ZBED4: variants seen among roughly 807,000 people sequenced by gnomAD.
ZBED4 encodes the protein zinc finger BED-type containing 4, also known as zinc finger BED domain-containing protein 4.
ZBED4 carries 4 observed loss-of-function variants against 15.5 expected under a neutral mutation model. The observed-to-expected ratio is 0.26, with a 90% CI of 0.13 to 0.59. The LOEUF (loss-of-function observed/expected upper bound fraction) is 0.59. Ranked by LOEUF, ZBED4 falls within the 20% of genes least tolerant of loss-of-function variation. ZBED4 has a pLI of 0.90. For missense variants in ZBED4, 1,323 were observed against 1,461.8 expected (o/e 0.91, Z 1.55); for synonymous variants, 692 against 608.5 (o/e 1.14, Z -2.02).
chr22:49,874,949 T>C (rs1028635481), intron 1 of ZBED4, among the ~76,000 whole-genome samples: 3 of 151,992 alleles, frequency 2.0e-5, no homozygotes, highest in East Asian at 1.9e-4. Flanking sequence ...TCCCAAAGTG[T>C]TGGGATTACA....
rs765600978 is a variant in ZBED4, at chr22:49,885,841, G to A, written c.2179G>A (p.Val727Met). The change falls in exon 2 of 2, where the codon GTG becomes ATG. Residue 727 changes from valine to methionine, a missense_variant. Val to Met is a conservative substitution (Grantham distance 21). This residue lies in a region of ZBED4 where 89 missense variants were observed against 129.8 expected (regional missense o/e 0.69). Coordinates refer to ENST00000216268, the MANE Select transcript of ZBED4 (RefSeq NM_014838.3). Reference protein sequence around the residue: ...MSHLKEAESGVIHFTSGIWMS... With the variant: ...MSHLKEAESGMIHFTSGIWMS... ...CCACCTTAAGGAAGCTGAGAGTGGT[G>A]TGATCCACTTCACGTCTGGAATATG... is the stretch of plus-strand genomic sequence containing the variant. 6.7e-7 allele frequency: 1 copy of A among 1,497,416 alleles called. No individual in the cohort carries two copies. 92.8% of individuals were successfully genotyped at this position (1,497,416 alleles called of 1,614,324 possible).
intron 1 of ZBED4, among the ~76,000 whole-genome samples, chr22:49,878,301 C>CAAAAAA (rs71196388): frequency 2.8e-5 from 3 of 107,174 alleles, no homozygotes; most frequent in Admixed American, 2.1e-4. Context: ...GACACTGTCT[C>CAAAAAA]AAAAAAAAAA....
At chr22:49,877,640 T>C (rs986915053) in intron 1 of ZBED4, among the ~76,000 whole-genome samples, 1 of 152,116 alleles carries the variant, frequency 6.6e-6, no homozygotes, top group African/African-American at 2.4e-5. Flanking sequence ...TAAACACATA[T>C]TTACAGTGCA....
At position 49,889,271 on chromosome 22, in the gene ZBED4, T is replaced by G. The variant is rs143882873; in HGVS notation, c.*2093T>G. On this transcript the variant is annotated 3_prime_UTR_variant, in exon 2 of 2. Transcript: ENST00000216268. Reference sequence around the variant, plus strand: ...GCCCATTTTTCTAAGTGAAATTTTCTTGGAATACAGTCACAGCTGTTTTTT... The same window carrying G: ...GCCCATTTTTCTAAGTGAAATTTTCGTGGAATACAGTCACAGCTGTTTTTT... 6.0e-6 allele frequency: 1 copy of G among 167,264 alleles called. No homozygotes were observed. The highest frequency in any genetic ancestry group is 1.5e-5 in the Non-Finnish European group (1 of 68,128). The allele number at this position is 167,264 out of a possible 1,614,324, so 10.4% of individuals were successfully genotyped here. A position where few individuals can be genotyped will look rare whatever the true frequency, so the allele number is the denominator to read the frequency against.
At chr22:49,865,469 T>G (rs1414247346) in intron 1 of ZBED4, among the ~76,000 whole-genome samples, 3 of 151,480 alleles carry the variant, frequency 2.0e-5, no homozygotes, top group Non-Finnish European at 4.4e-5. Flanking sequence ...GCCAACATGG[T>G]GAAACCCCGT....
chr22:49,854,757 G>A (rs1300787970), intron 1 of ZBED4, among the ~76,000 whole-genome samples: 1 of 152,066 alleles, frequency 6.6e-6, no homozygotes, highest in Non-Finnish European at 1.5e-5. Flanking sequence ...ACACGTCCCG[G>A]CCAAGCTGAG....
chr22:49,886,733 A>G lies in ZBED4; in HGVS notation c.3071A>G (p.Gln1024Arg). 5 of 1,613,156 alleles carry G rather than the reference A, an allele frequency of 3.1e-6. No homozygotes were observed. In the South Asian group the frequency reaches 5.5e-5, roughly 18 times the overall value. ...ASLFTEEEAE[Q>R]YKQDLIRELE... ...CTGTTTACGGAGGAGGAGGCGGAGC[A>G]GTACAAACAGGATTTAATCAGGGAA... The change falls in exon 2 of 2, where the codon CAG becomes CGG. Residue 1024 changes from glutamine to arginine, a missense_variant. Gln to Arg is a conservative substitution (Grantham distance 43, BLOSUM62 1). This residue lies in a region of ZBED4 where 312 missense variants were observed against 410.7 expected (regional missense o/e 0.76). Transcript: ENST00000216268. This position sits in a 1 kb window ranked among gnomAD's most constrained non-coding sequence, Gnocchi z 7.7.
chr22:49,884,779 T>C lies in ZBED4; in HGVS notation c.1117T>C (p.Ser373Pro). 3 of 1,606,936 alleles carry C rather than the reference T, an allele frequency of 1.9e-6. No individual in the cohort carries two copies. Among genetic ancestry groups the C allele is most frequent in the Non-Finnish European group, 2.6e-6 (3 of 1,175,086 alleles). Residue 373 changes from serine to proline, a missense_variant, in exon 2 of 2, where the codon TCC becomes CCC. Transcript: ENST00000216268. Reference sequence around the variant, plus strand: ...GCCGGAGGGGGAGCTCAGCTCTGTGTCCTCGTCTCCAGTAAAGCCGGTCAG... The same window carrying C: ...GCCGGAGGGGGAGCTCAGCTCTGTGCCCTCGTCTCCAGTAAAGCCGGTCAG... ...LPPEGELSSV[S>P]SSPVKPVRES...
Position 49,884,299 on chromosome 22 carries a change from G to T in ZBED4, c.637G>T (p.Ala213Ser), listed in dbSNP as rs2060424982. Residue 213 changes from alanine to serine, a missense_variant, in exon 2 of 2, where the codon GCG (alanine) becomes TCG (serine). Physicochemically the swap from Ala to Ser is moderately conservative, Grantham distance 99. Coordinates refer to ENST00000216268, the MANE Select transcript of ZBED4 (RefSeq NM_014838.3). ...ACCCATCAAACTTGTCCAGAAAGTG[G>T]CGTCTAAGATCCCGTCCCCCGATCG... Reference protein sequence around the residue: ...LSPIKLVQKVASKIPSPDRIT... With the variant: ...LSPIKLVQKVSSKIPSPDRIT... 1 of 1,613,288 alleles carries T rather than the reference G, an allele frequency of 6.2e-7. No homozygotes were observed. Among genetic ancestry groups the T allele is most frequent in the African/African-American group, 1.3e-5 (1 of 75,030 alleles).
chr22:49,854,210 G>T (rs1306590194), intron 1 of ZBED4, among the ~76,000 whole-genome samples: 1 of 147,356 alleles, frequency 6.8e-6, no homozygotes, highest in African/African-American at 2.4e-5. Context: ...GCGCGGGGGC[G>T]GCGCCGACTG....
chr22:49,883,809 G>A lies in ZBED4; in HGVS notation c.147G>A (p.Met49Ile). Reference sequence around the variant, plus strand: ...ACTTTAAAAGCGAGCAGGAGGACATGAAGCAGACAGACAGCGGTGGGGAGC... The same window carrying A: ...ACTTTAAAAGCGAGCAGGAGGACATAAAGCAGACAGACAGCGGTGGGGAGC... ...RMDFKSEQED[M>I]KQTDSGGERA... The change falls in exon 2 of 2, where the codon ATG (methionine) becomes ATA (isoleucine). Residue 49 changes from methionine (M) to isoleucine (I), a missense_variant. By Grantham distance (10) the Met-to-Ile change is conservative (BLOSUM62 1). Coordinates refer to ENST00000216268, the MANE Select transcript of ZBED4 (RefSeq NM_014838.3). The A allele has an allele frequency of 1.2e-6, 2 of 1,613,386 alleles. No individual in the cohort carries two copies. Among genetic ancestry groups the A allele is most frequent in the Non-Finnish European group, 8.5e-7 (1 of 1,179,322 alleles).
intron 1 of ZBED4, among the ~76,000 whole-genome samples, chr22:49,880,427 G>A (rs773250484): frequency 5.3e-5 from 8 of 152,238 alleles, no homozygotes; most frequent in South Asian, 2.1e-4. Context: ...CGAGACCACC[G>A]GGCTCTGCCA....
In ZBED4 at chr22:49,890,056, A is replaced by T. The variant is rs1385082238; in HGVS notation, c.*2878A>T. Reference sequence around the variant, plus strand: ...CTGAAGTAAAAGATGATAAAAAAATAAAAACTTTATTTCTTGGCTGGGCAC... The same window carrying T: ...CTGAAGTAAAAGATGATAAAAAAATTAAAACTTTATTTCTTGGCTGGGCAC... On this transcript the variant is annotated 3_prime_UTR_variant, in exon 2 of 2. Transcript: ENST00000216268. 6.0e-6 allele frequency: 1 copy of T among 166,368 alleles called. No homozygotes were observed. The highest frequency in any genetic ancestry group is 1.5e-5 in the Non-Finnish European group (1 of 68,134). The allele number at this position is 166,368 out of a possible 1,614,324, so 10.3% of individuals were successfully genotyped here.
rs1046819785 is a variant in ZBED4 at position 49,855,648 on chromosome 22, A to C, written c.-330+1659A>C. On this transcript the variant is annotated intron_variant, in intron 1 of 1. Coordinates refer to ENST00000216268, the MANE Select transcript of ZBED4 (RefSeq NM_014838.3). Reference sequence around the variant, plus strand: ...TGGGGAGTGGACTCCTGGCGGCATGAGGAGCAGGAAGTGACCGTGGTCAGT... The same window carrying C: ...TGGGGAGTGGACTCCTGGCGGCATGCGGAGCAGGAAGTGACCGTGGTCAGT... 1.3e-5 allele frequency among the ~76,000 whole-genome samples: 2 copies of C among 152,122 alleles called. 1 individual carries two copies. The highest frequency in any genetic ancestry group is 2.9e-5 in the Non-Finnish European group (2 of 68,020).
intron 1 of ZBED4, among the ~76,000 whole-genome samples, chr22:49,876,343 C>A (rs148388620): frequency 1.3e-5 from 2 of 151,972 alleles, no homozygotes; most frequent in Non-Finnish European, 2.9e-5. Flanking sequence ...TTTTTATGTA[C>A]CTGTTGGTTA....
intron 1 of ZBED4, among the ~76,000 whole-genome samples, chr22:49,862,944 C>T: frequency 6.6e-6 from 1 of 152,042 alleles, no homozygotes; most frequent in Non-Finnish European, 1.5e-5. Context: ...TTAGGTGATC[C>T]ACCTGCCTCA....
rs1368440496 is a variant in ZBED4 at position 49,886,835 on chromosome 22, C to G, written c.3173C>G (p.Ser1058Cys). 8 of 1,613,884 alleles carry G rather than the reference C, an allele frequency of 5.0e-6. No homozygotes were observed. The highest frequency in any genetic ancestry group is 1.7e-5 in the Admixed American group (1 of 59,988). ...GATGCTGGCTCCCCGTCGAAAGACT[C>G]TGCCGCAGAGGAGAACCTGTGGTCA... ...RCDAGSPSKD[S>C]AAEENLWSLV... The change falls in exon 2 of 2, where the codon TCT (serine) becomes TGT (cysteine). Residue 1058 changes from serine to cysteine, a missense_variant. By Grantham distance (112) the Ser-to-Cys change is moderately radical. Around this residue, in one of 6 missense-constraint regions of ZBED4, gnomAD observed 312 missense variants for 410.7 expected, o/e 0.76. Transcript: ENST00000216268. This position sits in a 1 kb window ranked among gnomAD's most constrained non-coding sequence, Gnocchi z 7.7.
chr22:49,884,646 C>A lies in ZBED4; in HGVS notation c.984C>A (p.Ile328=). ...AGGACCTGGGCACGAGCTGCCTCAT[C>A]AGGCACATGTGGAGGGCACACCGCG... ...NGKDLGTSCL[I]RHMWRAHRAI... The change falls in exon 2 of 2, where the codon ATC becomes ATA. Residue 328 remains isoleucine, a synonymous_variant. Coordinates refer to ENST00000216268, the MANE Select transcript of ZBED4 (RefSeq NM_014838.3). The A allele has an allele frequency of 6.2e-7, 1 of 1,612,574 alleles. No individual in the cohort carries two copies. Among genetic ancestry groups the A allele is most frequent in the South Asian group, 1.1e-5 (1 of 90,830 alleles).
At position 49,884,526 on chromosome 22, in the gene ZBED4, C is replaced by G. The variant is rs375168197; in HGVS notation, c.864C>G (p.Ser288=). 1.9e-6 allele frequency: 3 copies of G among 1,613,968 alleles called. No homozygotes were observed. Among genetic ancestry groups the G allele is most frequent in the African/African-American group, 2.7e-5 (2 of 74,930 alleles). ...PKSTSGSRRR[S]AVWKHFYLSP... The stretch of plus-strand genomic sequence containing the variant: ...GCACCTCTGGGTCCAGGAGAAGGTC[C>G]GCTGTCTGGAAGCACTTCTACCTGT... The change falls in exon 2 of 2, where the codon TCC becomes TCG. Residue 288 remains serine, a synonymous_variant. Coordinates refer to ENST00000216268, the MANE Select transcript of ZBED4 (RefSeq NM_014838.3).
Sources: gnomAD v4.1 joint callset for allele counts (sites outside exome capture counted in the v4.1 genomes callset) on GRCh38, gnomAD v4.1.1 for gene constraint, gnomAD v4.1.1 regional missense constraint, Gnocchi (gnomAD v3.1) non-coding constraint, MANE v1.5 for transcripts, NCBI Gene and HGNC (gene_info 2026-07-23, HGNC 2026-07-21) for gene names.